Variants in OR9Q1 observed in about 807,000 individuals in gnomAD.
OR9Q1 encodes the protein olfactory receptor 9Q1.
For missense variants in OR9Q1, 374 were observed against 378.8 expected (o/e 0.99, Z 0.11); for synonymous variants, 153 against 148.6 (o/e 1.03, Z -0.22).
intron 2 of OR9Q1, chr11:58,119,269 A>G: frequency 6.2e-7 from 1 of 1,614,066 alleles, no homozygotes; most frequent in Non-Finnish European, 8.5e-7. Context: ...GAAGAAGTAC[A>G]TTGGGGTGTA....
chr11:58,024,891 G>A (rs1250284510), intron 1 of OR9Q1, among the ~76,000 whole-genome samples: 1 of 152,172 alleles, frequency 6.6e-6, no homozygotes, highest in South Asian at 2.1e-4. Context: ...TTGCAGGCAC[G>A]TTGTCATTGG....
chr11:58,057,396 G>T (rs1372549094), intron 2 of OR9Q1, among the ~76,000 whole-genome samples: 2 of 152,124 alleles, frequency 1.3e-5, no homozygotes, highest in African/African-American at 4.8e-5. Context: ...TCCTCTAGCT[G>T]AAAACCTAGT....
At chr11:58,138,139 C>T (rs901889477) in intron 2 of OR9Q1, among the ~76,000 whole-genome samples, 4 of 152,128 alleles carry the variant, frequency 2.6e-5, no homozygotes, top group Non-Finnish European at 4.4e-5. Flanking sequence ...TGCCATCCCC[C>T]AATCATGTCA....
intron 1 of OR9Q1, among the ~76,000 whole-genome samples, chr11:58,036,030 C>G (rs1463520904): frequency 6.6e-6 from 1 of 150,796 alleles, no homozygotes; most frequent in Non-Finnish European, 1.5e-5. Context: ...CATGTGCTCA[C>G]TTTGCTTCTT....
At chr11:58,027,819 A>C (rs749733910) in intron 1 of OR9Q1, among the ~76,000 whole-genome samples, 3 of 152,226 alleles carry the variant, frequency 2.0e-5, no homozygotes, top group Non-Finnish European at 4.4e-5. Context: ...TTTGAGAAAC[A>C]AGAGCAGATC....
At chr11:58,158,505 C>T (rs2218868) in intron 2 of OR9Q1, among the ~76,000 whole-genome samples, 78,437 of 150,090 alleles carry the variant, frequency 0.52, 20,886 homozygotes, top group South Asian at 0.68. Flanking sequence ...ATGTCTATTA[C>T]ACAGCAAGAG....
At chr11:58,055,800 T>TAAAAAA in intron 1 of OR9Q1, 70 bp from the exon 2 acceptor site, 1 of 106,766 alleles carries the variant, frequency 9.4e-6, no homozygotes, top group Non-Finnish European at 1.9e-5. Context: ...ACTCTATCTC[T>TAAAAAA]AAAAAAAAAA....
intron 2 of OR9Q1, among the ~76,000 whole-genome samples, chr11:58,128,418 C>T (rs370223086): frequency 1.3e-5 from 2 of 151,656 alleles, no homozygotes; most frequent in African/African-American, 4.8e-5. Context: ...CAAGTATCCA[C>T]GAGGAATTAG....
At position 58,031,690 on chromosome 11, in the gene OR9Q1, A is replaced by G. The variant is rs183843794; in HGVS notation, c.-93+7586A>G. On this transcript the variant is annotated intron_variant, in intron 1 of 2. Coordinates refer to ENST00000335397, the MANE Select transcript of OR9Q1 (RefSeq NM_001005212.4). Reference sequence around the variant, plus strand: ...GCTGGAAGGCCTTCTCTACCTGTGCAGCTCACCTGACTGTGGTGAGCCTCT... The same window carrying G: ...GCTGGAAGGCCTTCTCTACCTGTGCGGCTCACCTGACTGTGGTGAGCCTCT... The G allele has an allele frequency of 3.7e-6, 6 of 1,613,868 alleles. No individual in the cohort carries two copies. In the East Asian group the frequency reaches 1.3e-4, roughly 36 times the overall value.
At chr11:58,041,748 C>T (rs2119941531) in intron 1 of OR9Q1, 1 of 152,384 alleles carries the variant, frequency 6.6e-6, no homozygotes, top group African/African-American at 2.4e-5. Flanking sequence ...TTTCCGTGGT[C>T]AAGCAGTTCT....
intron 2 of OR9Q1, among the ~76,000 whole-genome samples, chr11:58,134,546 G>C (rs937291938): frequency 1.3e-5 from 2 of 152,194 alleles, no homozygotes; most frequent in African/African-American, 4.8e-5. Flanking sequence ...AGTTAGTCTT[G>C]AGAGCAGATG....
intron 2 of OR9Q1, among the ~76,000 whole-genome samples, chr11:58,177,588 C>A (rs1045927562): frequency 6.6e-6 from 1 of 152,116 alleles, no homozygotes; most frequent in Non-Finnish European, 1.5e-5. Context: ...ATGAAGGTAA[C>A]AGCTTTCTGC....
intron 2 of OR9Q1, among the ~76,000 whole-genome samples, chr11:58,082,234 G>A (rs926401108): frequency 3.9e-5 from 6 of 152,078 alleles, no homozygotes; most frequent in Non-Finnish European, 7.3e-5. Context: ...ACTAGAAATA[G>A]CATTTGACCC....
At chr11:58,149,010 G>T (rs979629519) in intron 2 of OR9Q1, among the ~76,000 whole-genome samples, 2 of 152,104 alleles carry the variant, frequency 1.3e-5, no homozygotes, top group African/African-American at 2.4e-5. Flanking sequence ...AAAGAACATT[G>T]TGTCTTTTTC....
At chr11:58,120,099 A>C (rs1854013003) in intron 2 of OR9Q1, among the ~76,000 whole-genome samples, 1 of 152,192 alleles carries the variant, frequency 6.6e-6, no homozygotes, top group South Asian at 2.1e-4. Context: ...GATAACAAAA[A>C]GTCTTTCTTT....
Sources: gnomAD v4.1 joint callset for allele counts (sites outside exome capture counted in the v4.1 genomes callset) on GRCh38, gnomAD v4.1.1 for gene constraint, MANE v1.5 for transcripts, NCBI Gene and HGNC (gene_info 2026-07-23, HGNC 2026-07-21) for gene names.